PTPRD: variants seen among roughly 807,000 people sequenced by gnomAD.
The protein encoded by PTPRD is receptor-type tyrosine-protein phosphatase delta.
A neutral mutation model predicts 214.5 loss-of-function variants in PTPRD; 34 were observed. That is an observed-to-expected ratio of 0.16 (90% CI 0.12 to 0.21). PTPRD has a LOEUF of 0.21. Among genes scored for constraint, PTPRD ranks in the 10% least tolerant of loss-of-function variants. The probability of loss-of-function intolerance (pLI) is 1.00; values close to 1 mark genes in which losing one functional copy is unlikely to be tolerated. For synonymous variants in PTPRD, 1,128 were observed against 845.7 expected (o/e 1.33, Z -5.79); for missense variants, 2,545 against 2,398.7 (o/e 1.06, Z -1.27).
chr9:8,778,879 T>C (rs970885293), intron 11 of PTPRD, among the ~76,000 whole-genome samples: 1 of 152,082 alleles, frequency 6.6e-6, no homozygotes, highest in African/African-American at 2.4e-5. Context: ...TGTAAAGAAT[T>C]TACCACACTG....
intron 8 of PTPRD, among the ~76,000 whole-genome samples, chr9:9,432,150 G>C (rs2083446925): frequency 6.6e-6 from 1 of 151,184 alleles, no homozygotes; most frequent in South Asian, 2.1e-4. Flanking sequence ...GTGTGAGAAA[G>C]TTTAATCATG....
At chr9:10,482,370 C>CAATA (rs957754910) in intron 2 of PTPRD, among the ~76,000 whole-genome samples, 25 of 151,396 alleles carry the variant, frequency 1.7e-4, no homozygotes, top group East Asian at 3.9e-4. Flanking sequence ...GACTCCGTTT[C>CAATA]AATAAATAAA....
At chr9:8,735,087 T>A (rs538018856) in intron 11 of PTPRD, among the ~76,000 whole-genome samples, 27 of 151,900 alleles carry the variant, frequency 1.8e-4, no homozygotes, top group African/African-American at 6.3e-4. Flanking sequence ...AGTTCGTGGG[T>A]CAGTAGGTCT....
intron 2 of PTPRD, among the ~76,000 whole-genome samples, chr9:10,567,184 T>C (rs766169752): frequency 6.6e-6 from 1 of 152,080 alleles, no homozygotes. Context: ...AAGTAATCTT[T>C]ATATTTCATA....
chr9:8,658,230 A>G (rs987974420), intron 12 of PTPRD, among the ~76,000 whole-genome samples: 1 of 152,216 alleles, frequency 6.6e-6, no homozygotes, highest in Non-Finnish European at 1.5e-5. Context: ...TCTATAAAGG[A>G]CTGATGTTTT....
intron 8 of PTPRD, among the ~76,000 whole-genome samples, chr9:9,397,848 C>A (rs1423284126): frequency 6.6e-6 from 1 of 151,940 alleles, no homozygotes; most frequent in African/African-American, 2.4e-5. Flanking sequence ...ATTACTGGTC[C>A]TAATTCTCAG....
At chr9:8,756,748 T>C (rs959294046) in intron 11 of PTPRD, among the ~76,000 whole-genome samples, 5 of 152,116 alleles carry the variant, frequency 3.3e-5, no homozygotes, top group Non-Finnish European at 7.4e-5. Flanking sequence ...TTTCTTTCTT[T>C]AAATATTAAT....
intron 3 of PTPRD, among the ~76,000 whole-genome samples, chr9:10,291,875 G>C (rs923403293): frequency 5.3e-5 from 8 of 152,042 alleles, no homozygotes; most frequent in Non-Finnish European, 8.8e-5. Flanking sequence ...GCACCTTGGA[G>C]CCACTCATTT....
At chr9:10,170,482 G>C (rs1408901413) in intron 3 of PTPRD, among the ~76,000 whole-genome samples, 1 of 152,060 alleles carries the variant, frequency 6.6e-6, no homozygotes, top group Non-Finnish European at 1.5e-5. Flanking sequence ...ACGAGGTCAG[G>C]AGATCGGCTC....
chr9:9,947,602 TATATTTTA>T, intron 4 of PTPRD, among the ~76,000 whole-genome samples: 1 of 63,018 alleles, frequency 1.6e-5, no homozygotes, highest in Non-Finnish European at 2.9e-5. Context: ...ATATAATATA[TATATTTTA>T]TATATATATA....
intron 10 of PTPRD, among the ~76,000 whole-genome samples, chr9:9,089,784 T>C (rs1478104155): frequency 3.9e-5 from 6 of 152,104 alleles, no homozygotes; most frequent in African/African-American, 1.4e-4. Context: ...TTTGTGAAGG[T>C]TTCCAAAGTA....
chr9:9,426,359 G>T (rs983601152), intron 8 of PTPRD, among the ~76,000 whole-genome samples: 9 of 152,206 alleles, frequency 5.9e-5, no homozygotes, highest in Non-Finnish European at 1.3e-4. Flanking sequence ...AAGGCTTGGG[G>T]ATGGGCGCCC....
intron 7 of PTPRD, among the ~76,000 whole-genome samples, chr9:9,646,463 T>C (rs181036536): frequency 1.3e-3 from 197 of 152,200 alleles, no homozygotes; most frequent in Non-Finnish European, 1.7e-3. Context: ...AATCTGCCTG[T>C]TTCCTCTGTC....
intron 9 of PTPRD, among the ~76,000 whole-genome samples, chr9:9,330,834 A>T (rs1452439507): frequency 6.6e-6 from 1 of 151,878 alleles, no homozygotes; most frequent in African/African-American, 2.4e-5. Context: ...GAAGAAAGAG[A>T]CATGGGATAT....
intron 10 of PTPRD, among the ~76,000 whole-genome samples, chr9:9,165,708 G>C (rs2099902019): frequency 1.3e-5 from 2 of 152,008 alleles, no homozygotes; most frequent in African/African-American, 4.8e-5. Flanking sequence ...CATTTCACGG[G>C]GGGCCACATA....
intron 10 of PTPRD, among the ~76,000 whole-genome samples, chr9:9,146,062 T>C (rs1214147469): frequency 6.6e-6 from 1 of 152,208 alleles, no homozygotes; most frequent in Non-Finnish European, 1.5e-5. Flanking sequence ...ATTACACTTA[T>C]GAGTGTTCAG....
At chr9:10,542,337 T>G (rs760088949) in intron 2 of PTPRD, among the ~76,000 whole-genome samples, 3 of 152,134 alleles carry the variant, frequency 2.0e-5, no homozygotes, top group African/African-American at 4.8e-5. Context: ...ACTTGTTGCT[T>G]GGCTTTAAAT....
rs535028484 is a variant in PTPRD, at chr9:8,646,234, C to T, written c.65-9390G>A. ...CCATAGCTTCCCATCTGGTCACTCT[C>T]ACTTCAGGTGCTTCATCTCGACAAT... On this transcript the variant is annotated intron_variant, in intron 12 of 45. Coordinates refer to ENST00000381196, the MANE Select transcript of PTPRD (RefSeq NM_002839.4). Among the ~76,000 whole-genome samples the T allele has an allele frequency of 3.9e-5, 6 of 152,320 alleles. No homozygotes were observed. The East Asian group carries it at 1.2e-3, about 29-fold the overall frequency.
intron 37 of PTPRD, among the ~76,000 whole-genome samples, chr9:8,381,833 A>G (rs2085186006): frequency 6.6e-6 from 1 of 152,152 alleles, no homozygotes; most frequent in Non-Finnish European, 1.5e-5. Flanking sequence ...AACTTTTCCA[A>G]TGACTTCCCC....
Sources: allele counts gnomAD v4.1 joint callset (sites outside exome capture counted in the v4.1 genomes callset), GRCh38; gene constraint gnomAD v4.1.1; transcripts MANE v1.5; gene names NCBI Gene and HGNC (gene_info 2026-07-23, HGNC 2026-07-21).